FBXO22: variants seen among roughly 807,000 people sequenced by gnomAD.
The protein encoded by FBXO22 is F-box only protein 22.
FBXO22 carries 13 observed loss-of-function variants against 37.2 expected under a neutral mutation model. That is an observed-to-expected ratio of 0.35 (90% CI 0.23 to 0.56). FBXO22 has a LOEUF of 0.56. Among genes scored for constraint, FBXO22 ranks in the 20% least tolerant of loss-of-function variants. The probability of loss-of-function intolerance (pLI) is 0.87; values close to 1 mark genes in which losing one functional copy is unlikely to be tolerated. For synonymous variants in FBXO22, 189 were observed against 189.1 expected (o/e 1.00, Z 0.00); for missense variants, 446 against 509.9 (o/e 0.87, Z 1.21).
In FBXO22 at chr15:75,940,545, AAAG is replaced by A. The variant is rs2141745511; in HGVS notation, c.*7449_*7451del. On this transcript the variant is annotated 3_prime_UTR_variant, in exon 7 of 7. Coordinates refer to ENST00000308275, the MANE Select transcript of FBXO22 (RefSeq NM_147188.3). ...CCCAAATAGCCAAGTCAGTCTTGAG[AAAG>A]AAGAACAAATTGGAGGACTTAAACC... The A allele has an allele frequency of 1.3e-5, 2 of 151,924 alleles. No individual in the cohort carries two copies. Among genetic ancestry groups the A allele is most frequent in the African/African-American group, 4.8e-5 (2 of 41,420 alleles). The allele number at this position is 151,924 out of a possible 1,614,324, so 9.4% of individuals were successfully genotyped here. A position where few individuals can be genotyped will look rare whatever the true frequency, so the allele number is the denominator to read the frequency against.
rs904191841 is a variant in FBXO22 at position 75,935,989 on chromosome 15, G to C, written c.*2887G>C. On this transcript the variant is annotated 3_prime_UTR_variant, in exon 7 of 7. Coordinates refer to ENST00000308275, the MANE Select transcript of FBXO22 (RefSeq NM_147188.3). Reference sequence around the variant, plus strand: ...TTTTTAGTAGAGACGGGGTTTCACCGTGTTAGCCAAGATGGTCTCGATCTC... The same window carrying C: ...TTTTTAGTAGAGACGGGGTTTCACCCTGTTAGCCAAGATGGTCTCGATCTC... 2.6e-5 allele frequency: 4 copies of C among 152,016 alleles called. No homozygotes were observed. The highest frequency in any genetic ancestry group is 9.7e-5 in the African/African-American group (4 of 41,394). 9.4% of individuals were successfully genotyped at this position (152,016 alleles called of 1,614,324 possible). A position where few individuals can be genotyped will look rare whatever the true frequency, so the allele number is the denominator to read the frequency against.
intron 5 of FBXO22, among the ~76,000 whole-genome samples, chr15:75,918,982 G>A (rs1424683167): frequency 6.6e-6 from 1 of 152,132 alleles, no homozygotes; most frequent in African/African-American, 2.4e-5. Context: ...TTTGGAGACA[G>A]AGTCTCACTT....
At chr15:75,926,816 A>T (rs1900452782) in intron 5 of FBXO22, among the ~76,000 whole-genome samples, 2 of 152,230 alleles carry the variant, frequency 1.3e-5, no homozygotes. Flanking sequence ...CACTTTACAT[A>T]AGATAAGGTG....
intron 4 of FBXO22, among the ~76,000 whole-genome samples, chr15:75,915,391 A>G (rs115407087): frequency 0.039 from 6,010 of 152,298 alleles, 213 homozygotes; most frequent in African/African-American, 0.094. Context: ...AGAATTTTAC[A>G]TGTTTACAAA....
Position 75,904,792 on chromosome 15 carries a change from C to T in FBXO22, c.279+163C>T, listed in dbSNP as rs114894683. Among the ~76,000 whole-genome samples the T allele has an allele frequency of 4.8e-3, 718 of 149,162 alleles. 6 individuals are homozygous for T. The highest frequency in any genetic ancestry group is 0.016 in the African/African-American group (670 of 40,812). On this transcript the variant is annotated intron_variant, in intron 2 of 6. Coordinates refer to ENST00000308275, the MANE Select transcript of FBXO22 (RefSeq NM_147188.3). The stretch of plus-strand genomic sequence containing the variant: ...TAGTGACTACACGGTAAGGATGTGT[C>T]ATGATTTATTTGACCGTTCATCAAA...
intron 2 of FBXO22, among the ~76,000 whole-genome samples, chr15:75,906,241 G>A (rs1334036524): frequency 2.0e-5 from 3 of 152,018 alleles, no homozygotes; most frequent in Non-Finnish European, 4.4e-5. Context: ...CCTGGAATTG[G>A]CCATTAAGCC....
At chr15:75,932,657 G>A (rs1318826383) in intron 6 of FBXO22, 28 bp from the exon 7 acceptor site, 5 of 1,546,168 alleles carry the variant, frequency 3.2e-6, no homozygotes, top group African/African-American at 1.4e-5. Context: ...TGTTTCATGA[G>A]ATATTGCCAC....
intron 3 of FBXO22, 74 bp downstream of exon 3, chr15:75,913,364 T>C: frequency 9.9e-7 from 1 of 1,006,014 alleles, no homozygotes; most frequent in Non-Finnish European, 1.5e-6. Flanking sequence ...AATATTATAC[T>C]TGTCCTGAGA....
chr15:75,917,425 C>G, intron 5 of FBXO22, 31 bp downstream of exon 5: 1 of 1,454,874 alleles, frequency 6.9e-7, no homozygotes, highest in Non-Finnish European at 9.4e-7. Context: ...ATTAACTGCT[C>G]ATTTTATTGA....
intron 5 of FBXO22, among the ~76,000 whole-genome samples, chr15:75,924,053 C>T (rs1172736540): frequency 6.6e-6 from 1 of 152,104 alleles, no homozygotes; most frequent in East Asian, 1.9e-4. Context: ...ATCAGATTAT[C>T]AGTTCTGTTT....
chr15:75,923,161 A>G (rs1262440882), intron 5 of FBXO22, among the ~76,000 whole-genome samples: 1 of 152,200 alleles, frequency 6.6e-6, no homozygotes. Flanking sequence ...GGTTGAAGCT[A>G]GGACCCTAGT....
intron 5 of FBXO22, among the ~76,000 whole-genome samples, chr15:75,922,752 T>C (rs1038792932): frequency 1.3e-5 from 2 of 152,118 alleles, no homozygotes; most frequent in Non-Finnish European, 2.9e-5. Flanking sequence ...GAGACCACTT[T>C]AGAGTCCAGG....
chr15:75,933,903 G>A lies in FBXO22; in HGVS notation c.*801G>A, dbSNP rs1299141945. The stretch of plus-strand genomic sequence containing the variant: ...CTAATCCTTTATAAATGAAAACCCA[G>A]AATAGTTGGTATGTCAGCTAGTCAT... On this transcript the variant is annotated 3_prime_UTR_variant, in exon 7 of 7. Coordinates refer to ENST00000308275, the MANE Select transcript of FBXO22 (RefSeq NM_147188.3). 1 of 156,256 alleles carries A rather than the reference G, an allele frequency of 6.4e-6. No homozygotes were observed. Among genetic ancestry groups the A allele is most frequent in the Non-Finnish European group, 1.4e-5 (1 of 70,060 alleles). The allele number at this position is 156,256 out of a possible 1,614,324, so 9.7% of individuals were successfully genotyped here.
intron 5 of FBXO22, among the ~76,000 whole-genome samples, chr15:75,919,119 C>T (rs1359012173): frequency 1.3e-5 from 2 of 152,090 alleles, no homozygotes; most frequent in African/African-American, 4.8e-5. Flanking sequence ...GCTGTATGCA[C>T]CACCATGCCT....
In FBXO22 at chr15:75,940,792, CA is replaced by C. The variant is rs2030878546; in HGVS notation, c.*7693del. ...GCTGGATAACCACATGGCTAACTAA[CA>C]AAGTTGCAACCTCACTCATTTGCAA... is the stretch of plus-strand genomic sequence containing the variant. On this transcript the variant is annotated 3_prime_UTR_variant, in exon 7 of 7. Coordinates refer to ENST00000308275, the MANE Select transcript of FBXO22 (RefSeq NM_147188.3). 6.8e-6 allele frequency: 1 copy of C among 148,124 alleles called. No individual in the cohort carries two copies. Among genetic ancestry groups the C allele is most frequent in the Non-Finnish European group, 1.5e-5 (1 of 66,774 alleles). 9.2% of individuals were successfully genotyped at this position (148,124 alleles called of 1,614,324 possible). A position where few individuals can be genotyped will look rare whatever the true frequency, so the allele number is the denominator to read the frequency against.
rs1262445864 is a variant in FBXO22, at chr15:75,934,115, G to A, written c.*1013G>A. 1.3e-5 allele frequency: 2 copies of A among 152,388 alleles called. No homozygotes were observed. The highest frequency in any genetic ancestry group is 2.9e-5 in the Non-Finnish European group (2 of 68,194). The allele number at this position is 152,388 out of a possible 1,614,324, so 9.4% of individuals were successfully genotyped here. A position where few individuals can be genotyped will look rare whatever the true frequency, so the allele number is the denominator to read the frequency against. The stretch of plus-strand genomic sequence containing the variant: ...TAAAGACTACATTTCCCAGTCTCCT[G>A]TGCAGGTATGACTGTGTTCTGGACA... On this transcript the variant is annotated 3_prime_UTR_variant, in exon 7 of 7. Coordinates refer to ENST00000308275, the MANE Select transcript of FBXO22 (RefSeq NM_147188.3).
rs2030369421 is a variant in FBXO22, at chr15:75,936,662, C to T, written c.*3560C>T. 1 of 152,098 alleles carries T rather than the reference C, an allele frequency of 6.6e-6. No homozygotes were observed. 9.4% of individuals were successfully genotyped at this position (152,098 alleles called of 1,614,324 possible). A position where few individuals can be genotyped will look rare whatever the true frequency, so the allele number is the denominator to read the frequency against. On this transcript the variant is annotated 3_prime_UTR_variant, in exon 7 of 7. Coordinates refer to ENST00000308275, the MANE Select transcript of FBXO22 (RefSeq NM_147188.3). ...CAATCTCGACTCATTGCAACCTCCA[C>T]CTCCTGGGTTCAAGTGATTCTGCTG...
Position 75,933,027 on chromosome 15 carries a change from TGA to T in FBXO22, c.1139_1140del (p.Glu380GlyfsTer4). On this transcript the variant is annotated frameshift_variant, in exon 7 of 7. Coordinates refer to ENST00000308275, the MANE Select transcript of FBXO22 (RefSeq NM_147188.3). LOFTEE classifies it high-confidence loss of function. ...TGNFILRKCN[E>X]VKDDDLFHSY... ...GGAACTTTATATTGAGGAAATGTAATGAGGTAAAAGATGATGATCTGTTTCAT... is the reference window on the plus strand; with the variant it reads ...GGAACTTTATATTGAGGAAATGTAATGGTAAAAGATGATGATCTGTTTCAT... 1 of 1,614,168 alleles carries T rather than the reference TGA, an allele frequency of 6.2e-7. No individual in the cohort carries two copies. Among genetic ancestry groups the T allele is most frequent in the Non-Finnish European group, 8.5e-7 (1 of 1,180,014 alleles).
At chr15:75,910,498 T>C (rs1470471641) in intron 2 of FBXO22, 1 of 152,228 alleles carries the variant, frequency 6.6e-6, no homozygotes, top group Non-Finnish European at 1.5e-5. Context: ...TGGTTTTGAT[T>C]TGCATTTCTC....
Sources: allele counts gnomAD v4.1 joint callset (sites outside exome capture counted in the v4.1 genomes callset), GRCh38; gene constraint gnomAD v4.1.1; transcripts MANE v1.5; gene names NCBI Gene and HGNC (gene_info 2026-07-23, HGNC 2026-07-21).